Variants in YME1L1 observed in about 807,000 individuals in gnomAD.
YME1L1 encodes YME1 like 1 ATPase.
YME1L1 carries 39 observed loss-of-function variants against 90.4 expected under a neutral mutation model. The ratio of observed to expected loss-of-function variants is 0.43; its 90% confidence interval spans 0.33 to 0.56. YME1L1 has a LOEUF of 0.56. YME1L1 is among the 20% of genes least tolerant of loss of function. The pLI is 0.03. For synonymous variants in YME1L1, 284 were observed against 287.3 expected (o/e 0.99, Z 0.12); for missense variants, 617 against 868.4 (o/e 0.71, Z 3.64).
At position 27,112,048 on chromosome 10, in the gene YME1L1, A is replaced by G. The variant is rs1318313056; in HGVS notation, c.2080T>C (p.Leu694=). 2.5e-6 allele frequency: 4 copies of G among 1,614,032 alleles called. No homozygotes were observed. Among genetic ancestry groups the G allele is most frequent in the Non-Finnish European group, 3.4e-6 (4 of 1,180,028 alleles). The stretch of plus-strand genomic sequence containing the variant: ...TTGGCATCCAAAGTCTCATAGGTCA[A>G]TAAAGCTTCTGCGAGATTCTTATGC... ...KEHKNLAEAL[L]TYETLDAKEI... Residue 694 remains leucine (L), a synonymous_variant, in exon 19 of 19, where the codon TTG becomes CTG. Transcript: ENST00000376016.
intron 1 of YME1L1, among the ~76,000 whole-genome samples, chr10:27,150,787 T>C (rs924775410): frequency 6.6e-6 from 1 of 152,160 alleles, no homozygotes; most frequent in Non-Finnish European, 1.5e-5. Context: ...TTGTTTAGCA[T>C]AAAATCAAGA....
chr10:27,139,005 TATG>T (rs1441010612), intron 4 of YME1L1, among the ~76,000 whole-genome samples: 1 of 152,194 alleles, frequency 6.6e-6, no homozygotes, highest in African/African-American at 2.4e-5. Flanking sequence ...TTCTAATCAA[TATG>T]ATAAATTGAC....
intron 4 of YME1L1, among the ~76,000 whole-genome samples, chr10:27,137,723 A>T (rs1420747841): frequency 6.6e-6 from 1 of 152,030 alleles, no homozygotes; most frequent in African/African-American, 2.4e-5. Flanking sequence ...CTTCCTCTGT[A>T]TTTTTATTGA....
chr10:27,145,298 A>C (rs2057131530), intron 3 of YME1L1, 130 bp downstream of exon 3: 3 of 787,382 alleles, frequency 3.8e-6, no homozygotes, highest in Non-Finnish European at 5.3e-6. Flanking sequence ...GCAAAAAAAA[A>C]AACAAAAAAA....
intron 9 of YME1L1, among the ~76,000 whole-genome samples, chr10:27,126,435 T>C (rs1352129840): frequency 1.3e-5 from 2 of 152,000 alleles, no homozygotes. Context: ...TATTAAAAAT[T>C]TGTGAGTCTA....
chr10:27,146,451 A>T (rs2057144244), intron 2 of YME1L1: 1 of 152,242 alleles, frequency 6.6e-6, no homozygotes. Flanking sequence ...AAAGAGAGGC[A>T]CTTAAAGGCA....
At chr10:27,151,971 G>A (rs920668080) in intron 1 of YME1L1, among the ~76,000 whole-genome samples, 1 of 151,748 alleles carries the variant, frequency 6.6e-6, no homozygotes, top group African/African-American at 2.4e-5. Flanking sequence ...TCTAAGATAC[G>A]TATCCCTGAG....
rs1241567974 is a variant in YME1L1, at chr10:27,143,130, G to T, written c.332-645C>A. Among the ~76,000 whole-genome samples the T allele has an allele frequency of 2.0e-5, 3 of 152,068 alleles. No homozygotes were observed. In the East Asian group the frequency reaches 5.8e-4, roughly 30 times the overall value. ...CACGCCTGTAATTCCAGCACTTTGG[G>T]AGGCAGAGGTGGGTGGATAACCTGA... On this transcript the variant is annotated intron_variant, in intron 3 of 18. Transcript: ENST00000376016.
intron 4 of YME1L1, among the ~76,000 whole-genome samples, chr10:27,142,075 T>A (rs1381069142): frequency 2.0e-5 from 3 of 148,886 alleles, no homozygotes; most frequent in Non-Finnish European, 3.0e-5. Flanking sequence ...TATATATATA[T>A]AAAATTAATT....
At chr10:27,148,838 C>T in intron 2 of YME1L1, 68 bp downstream of exon 2, 1 of 1,582,770 alleles carries the variant, frequency 6.3e-7, no homozygotes, top group Non-Finnish European at 8.5e-7. Context: ...TATCCTTAAT[C>T]CTTCATTTGT....
intron 8 of YME1L1, among the ~76,000 whole-genome samples, chr10:27,130,160 C>T (rs2056962182): frequency 6.6e-6 from 1 of 152,184 alleles, no homozygotes; most frequent in African/African-American, 2.4e-5. Flanking sequence ...TTAGTTCTCA[C>T]TTGGCCCATC....
rs1159201551 is a variant in YME1L1, at chr10:27,119,294, C to A, written c.1567G>T (p.Gly523Trp). 6.3e-7 allele frequency: 1 copy of A among 1,590,346 alleles called. No homozygotes were observed. The highest frequency in any genetic ancestry group is 2.2e-5 in the East Asian group (1 of 44,454). The change falls in exon 14 of 19, where the codon GGG becomes TGG. Residue 523 changes from glycine (G) to tryptophan (W), a missense_variant and splice_region_variant. Transcript: ENST00000376016. Reference protein sequence around the residue: ...LEFSKDKILMGPERRSVEIDN... With the variant: ...LEFSKDKILMWPERRSVEIDN... Reference sequence around the variant, plus strand: ...CAGAAAAAAAAGAAAGGAAACCTACCCATTAGAATTTTGTCTTTGGAAAAC... The same window carrying A: ...CAGAAAAAAAAGAAAGGAAACCTACACATTAGAATTTTGTCTTTGGAAAAC...
intron 4 of YME1L1, among the ~76,000 whole-genome samples, chr10:27,137,195 A>G (rs1244922918): frequency 6.6e-6 from 1 of 152,246 alleles, no homozygotes; most frequent in African/African-American, 2.4e-5. Context: ...TAACCTGTTA[A>G]CAATTCTGAC....
intron 15 of YME1L1, 92 bp downstream of exon 15, chr10:27,117,484 T>C: frequency 7.3e-7 from 1 of 1,363,980 alleles, no homozygotes; most frequent in South Asian, 1.4e-5. Flanking sequence ...GAAAGAATCG[T>C]TTGAATCCGG....
At chr10:27,132,488 T>C (rs1378175297) in intron 7 of YME1L1, among the ~76,000 whole-genome samples, 2 of 152,104 alleles carry the variant, frequency 1.3e-5, no homozygotes, top group East Asian at 3.9e-4. Flanking sequence ...GAGTAGCCAT[T>C]CTTTTATTCC....
At chr10:27,151,652 C>A (rs899173367) in intron 1 of YME1L1, among the ~76,000 whole-genome samples, 1 of 152,076 alleles carries the variant, frequency 6.6e-6, no homozygotes, top group Non-Finnish European at 1.5e-5. Flanking sequence ...GAGGCCGAGG[C>A]GGACGGATCA....
At chr10:27,123,193 A>T (rs1263579686) in intron 10 of YME1L1, among the ~76,000 whole-genome samples, 2 of 152,200 alleles carry the variant, frequency 1.3e-5, no homozygotes, top group Non-Finnish European at 2.9e-5. Context: ...GCATTCATTC[A>T]TTCTTTCCAG....
intron 3 of YME1L1, among the ~76,000 whole-genome samples, chr10:27,145,126 A>T (rs556084824): frequency 6.6e-6 from 1 of 152,284 alleles, no homozygotes; most frequent in African/African-American, 2.4e-5. Flanking sequence ...GGCTGACAGA[A>T]GGAGACTCCG....
intron 14 of YME1L1, among the ~76,000 whole-genome samples, chr10:27,118,185 A>C (rs1260050471): frequency 1.3e-5 from 2 of 152,136 alleles, no homozygotes; most frequent in Non-Finnish European, 2.9e-5. Flanking sequence ...ATTATAGCTC[A>C]CTCCAACCTT....
Sources: gnomAD v4.1 joint callset for allele counts (sites outside exome capture counted in the v4.1 genomes callset) on GRCh38, gnomAD v4.1.1 for gene constraint, MANE v1.5 for transcripts, NCBI Gene and HGNC (gene_info 2026-07-23, HGNC 2026-07-21) for gene names.